The following CFAP92 variants were observed in gnomAD, a reference collection of about 807,000 sequenced individuals.
CFAP92 encodes uncharacterized protein CFAP92.
Under a neutral mutation model 106.3 loss-of-function variants are expected in CFAP92, and 86 were observed. The ratio of observed to expected loss-of-function variants is 0.81; its 90% CI spans 0.68 to 0.97. The LOEUF (loss-of-function observed/expected upper bound fraction) is 0.97. Among genes scored for constraint, CFAP92 ranks in the 50% least tolerant of loss-of-function variants. The pLI, the probability that CFAP92 is intolerant of heterozygous loss-of-function variation, is 0.00. For synonymous variants in CFAP92, 477 were observed against 506.4 expected, an observed-to-expected ratio of 0.94 and a Z score of 0.78; for missense variants, 1,204 against 1,283.8, an observed-to-expected ratio of 0.94 and a Z score of 0.95.
chr3:128,995,734 T>C (rs1944455387), upstream of CFAP92, among the ~76,000 whole-genome samples: 1 of 152,228 alleles, frequency 6.6e-6, no homozygotes, highest in Admixed American at 6.5e-5. Flanking sequence ...CAATGTGCCA[T>C]CCTGGATGTG....
rs1940159821 is a variant in CFAP92, at chr3:128,945,798, C to T, written c.1531G>A (p.Val511Ile). 1 of 1,526,586 alleles carries T rather than the reference C, an allele frequency of 6.6e-7. No individual in the cohort carries two copies. Among genetic ancestry groups the T allele is most frequent in the East Asian group, 2.4e-5 (1 of 40,868 alleles). The allele number at this position is 1,526,586 out of a possible 1,614,324, so 94.6% of individuals were successfully genotyped here. Residue 511 changes from valine to isoleucine, a missense_variant, in exon 10 of 16, where the codon GTT (valine) becomes ATT (isoleucine). Coordinates refer to ENST00000645291, the MANE Select transcript of CFAP92 (RefSeq NM_001394090.1). ...TCTGACTTGCGGTCCCGGTCGTGAA[C>T]TTCCACCACCATGGGGGGGCCCTCC... is the stretch of plus-strand genomic sequence containing the variant. ...YLEGPPMVVEVHDRDRKSEEC... is the reference protein window; with the variant it reads ...YLEGPPMVVEIHDRDRKSEEC...
At chr3:129,014,331 T>G in the CFAP92 span, among the ~76,000 whole-genome samples, 5 of 152,298 alleles carry the variant, frequency 3.3e-5, no homozygotes, top group South Asian at 1.0e-3. This position sits in a 1 kb window ranked among gnomAD's most constrained non-coding sequence, Gnocchi z 4.3. Context: ...GACCAGGAGC[T>G]TCAACAACAG....
At chr3:128,996,691 A>G (rs1279404462), upstream of CFAP92, among the ~76,000 whole-genome samples, 1 of 152,210 alleles carries the variant, frequency 6.6e-6, no homozygotes, top group African/African-American at 2.4e-5. Flanking sequence ...TCACCACTCC[A>G]TGCATCAGCT....
rs1942787061 is a variant in CFAP92 at position 128,971,437 on chromosome 3, T to C, written c.1022-4A>G. 6 of 1,595,428 alleles carry C rather than the reference T, an allele frequency of 3.8e-6. No homozygotes were observed. The highest frequency in any genetic ancestry group is 4.5e-5 in the East Asian group (2 of 44,696). Reference sequence around the variant, plus strand: ...CCCTCTGAATCTTTCCCTTTAACTGTGAAATCAAACAAAGGAGATGAGCAT... The same window carrying C: ...CCCTCTGAATCTTTCCCTTTAACTGCGAAATCAAACAAAGGAGATGAGCAT... On this transcript the variant is annotated splice_region_variant and splice_polypyrimidine_tract_variant and intron_variant, in intron 7 of 15. Coordinates refer to ENST00000645291, the MANE Select transcript of CFAP92 (RefSeq NM_001394090.1).
the CFAP92 span, among the ~76,000 whole-genome samples, chr3:129,020,202 A>G: frequency 5.3e-4 from 81 of 152,324 alleles, no homozygotes; most frequent in African/African-American, 1.9e-3. Context: ...GAGAAACAGA[A>G]AAGGAAAGAT....
intron 12 of CFAP92, among the ~76,000 whole-genome samples, chr3:128,927,766 AC>A (rs1056524175): frequency 1.0e-3 from 158 of 152,218 alleles, no homozygotes; most frequent in African/African-American, 3.6e-3. Flanking sequence ...TATTATGGAA[AC>A]AATACAAAAA....
chr3:128,998,498 A>G (rs1944564648), upstream of CFAP92, among the ~76,000 whole-genome samples: 1 of 152,196 alleles, frequency 6.6e-6, no homozygotes, highest in Admixed American at 6.5e-5. Flanking sequence ...ACATTCCCAG[A>G]CAGTTCTGGG....
At chr3:128,967,415 G>C (rs1265914301) in intron 8 of CFAP92, 1 of 152,138 alleles carries the variant, frequency 6.6e-6, no homozygotes, top group Non-Finnish European at 1.5e-5. Flanking sequence ...GACTACCCAA[G>C]GGTAGGCCGG....
In CFAP92 at chr3:128,970,931, A is replaced by G. The variant is rs941489220; in HGVS notation, c.1168+356T>C. ...GTTCCCTTTCCTCATTCCCTTTACT[A>G]GATGTTTTTGTAAAAATCTGTAGGA... On this transcript the variant is annotated intron_variant, in intron 8 of 15. Coordinates refer to ENST00000645291, the MANE Select transcript of CFAP92 (RefSeq NM_001394090.1). 17 of 311,612 alleles carry G rather than the reference A, an allele frequency of 5.5e-5. No homozygotes were observed. The East Asian group carries it at 1.2e-3, about 21-fold the overall frequency. The allele number at this position is 311,612 out of a possible 1,614,324, so 19.3% of individuals were successfully genotyped here.
At chr3:128,994,171 G>A, upstream of CFAP92, 2 of 985,314 alleles carry the variant, frequency 2.0e-6, 1 homozygote, top group South Asian at 9.4e-5. Flanking sequence ...GCGGCCTGGG[G>A]GCGGGGCTCC....
chr3:128,948,676 C>T (rs891462346), intron 9 of CFAP92, among the ~76,000 whole-genome samples: 41 of 151,496 alleles, frequency 2.7e-4, no homozygotes, highest in African/African-American at 9.9e-4. Flanking sequence ...ATTACAGGCA[C>T]GCGCCACCAG....
chr3:129,009,849 T>C, the CFAP92 span, among the ~76,000 whole-genome samples: 2 of 152,200 alleles, frequency 1.3e-5, no homozygotes, highest in African/African-American at 4.8e-5. Context: ...CTGGGTGCTT[T>C]GGGAGTGGTT....
chr3:129,001,088 C>T (rs941899703), intron 1 of CFAP92, among the ~76,000 whole-genome samples: 6 of 152,236 alleles, frequency 3.9e-5, no homozygotes, highest in African/African-American at 1.4e-4. Context: ...AGGCAACCCT[C>T]GAAAGGCCTT....
At chr3:128,975,718 A>G (rs1325840826) in intron 7 of CFAP92, 61 bp downstream of exon 7, 2 of 1,312,954 alleles carry the variant, frequency 1.5e-6, no homozygotes, top group East Asian at 2.5e-5. Context: ...AATTTAAAAT[A>G]TTTCATAATT....
At chr3:128,911,237 T>C (rs1363869935) in intron 15 of CFAP92, among the ~76,000 whole-genome samples, 1 of 152,066 alleles carries the variant, frequency 6.6e-6, no homozygotes, top group Non-Finnish European at 1.5e-5. Flanking sequence ...TTTGTATTTT[T>C]AGTAGAAACA....
chr3:128,987,310 G>GTT (rs1169696213), intron 4 of CFAP92, among the ~76,000 whole-genome samples: 1 of 145,452 alleles, frequency 6.9e-6, no homozygotes, highest in African/African-American at 2.5e-5. Context: ...TTTGTTTTTT[G>GTT]TTTTTTTTTT....
intron 4 of CFAP92, among the ~76,000 whole-genome samples, chr3:128,984,526 G>A (rs1000316873): frequency 2.6e-5 from 4 of 152,102 alleles, no homozygotes; most frequent in Admixed American, 6.5e-5. Context: ...GTGGTTTGCC[G>A]GGGGGCTCTC....
intron 4 of CFAP92, among the ~76,000 whole-genome samples, chr3:128,985,364 T>C (rs868322966): frequency 3.3e-5 from 5 of 152,136 alleles, no homozygotes; most frequent in Non-Finnish European, 7.3e-5. Context: ...CTCAGGAGGC[T>C]GAGGCAGGAG....
Position 128,935,177 on chromosome 3 carries a change from C to T in CFAP92, c.2401G>A (p.Val801Met), listed in dbSNP as rs901338112. ...CGCTCAGTGTCTCGCAGGAAGAACA[C>T]CGCCTGCTGCAGCAGCAGCTCCGTG... ...QPTELLLQQA[V>M]FFLRDTERRR... The change falls in exon 11 of 16, where the codon GTG (valine) becomes ATG (methionine). Residue 801 changes from valine (V) to methionine (M), a missense_variant. Physicochemically the swap from Val to Met is conservative, Grantham distance 21 (BLOSUM62 1). Transcript: ENST00000645291. 6.5e-6 allele frequency: 10 copies of T among 1,535,670 alleles called. No homozygotes were observed. The highest frequency in any genetic ancestry group is 2.7e-5 in the African/African-American group (2 of 73,064).
Sources: allele counts gnomAD v4.1 joint callset (sites outside exome capture counted in the v4.1 genomes callset), GRCh38; gene constraint gnomAD v4.1.1; non-coding constraint Gnocchi (gnomAD v3.1); transcripts MANE v1.5; gene names NCBI Gene and HGNC (gene_info 2026-07-23, HGNC 2026-07-21).